The following PGAP1 variants were observed in gnomAD, a reference collection of about 807,000 sequenced individuals.
PGAP1 encodes the protein post-GPI attachment to proteins inositol deacylase 1.
In PGAP1, 76 loss-of-function variants were observed where a neutral mutation model predicts 127.0. That is an observed-to-expected ratio of 0.60 (90% confidence interval 0.50 to 0.72). The LOEUF (loss-of-function observed/expected upper bound fraction) is 0.72, where lower values mean the gene tolerates loss of function less well. PGAP1 is among the 30% of genes least tolerant of loss of function. The probability of loss-of-function intolerance (pLI) is 0.00; values close to 1 mark genes in which losing one functional copy is unlikely to be tolerated. For synonymous variants in PGAP1, 362 were observed against 366.5 expected (o/e 0.99, Z 0.14); for missense variants, 982 against 1,071.3 (o/e 0.92, Z 1.16).
intron 20 of PGAP1, 47 bp from the exon 21 acceptor site, chr2:196,848,084 G>C (rs1476040487): frequency 2.3e-6 from 3 of 1,316,478 alleles, no homozygotes; most frequent in Non-Finnish European, 3.2e-6. Flanking sequence ...AATTAAGTAT[G>C]AGATATACTA....
Position 196,874,835 on chromosome 2 carries a change from G to C in PGAP1, c.1426+911C>G, listed in dbSNP as rs1448373408. On this transcript the variant is annotated intron_variant, in intron 14 of 26. Transcript: ENST00000354764. ...CTGAGACCAGCCTGGGCAATATGGT[G>C]AATCTCTGTCTCTACAAAAAATACA... Among the ~76,000 whole-genome samples, 6 of 152,130 alleles carry C rather than the reference G, an allele frequency of 3.9e-5. 1 individual carries two copies. In the South Asian group the frequency reaches 8.3e-4, roughly 21 times the overall value.
At chr2:196,922,282 T>A (rs1222670339) in intron 1 of PGAP1, 1 of 1,178,334 alleles carries the variant, frequency 8.5e-7, no homozygotes, top group Non-Finnish European at 1.1e-6. Context: ...TGATATTACT[T>A]AATTGTAAAC....
intron 1 of PGAP1, chr2:196,922,057 G>A: frequency 2.1e-6 from 2 of 934,768 alleles, no homozygotes; most frequent in South Asian, 4.5e-5. Context: ...ATTCTATGTA[G>A]TTTATTTTAA....
rs1385705047 is a variant in PGAP1, at chr2:196,897,166, C to T, written c.892G>A (p.Ala298Thr). The change falls in exon 7 of 27, where the codon GCA becomes ACA. Residue 298 changes from alanine to threonine, a missense_variant. By Grantham distance (58) the Ala-to-Thr change is moderately conservative. Coordinates refer to ENST00000354764, the MANE Select transcript of PGAP1 (RefSeq NM_024989.4). ...CKQLQLTTVRAFFDLIDADTK... is the reference protein window; with the variant it reads ...CKQLQLTTVRTFFDLIDADTK... The stretch of plus-strand genomic sequence containing the variant: ...TCAGCATCAATAAGATCAAAGAATG[C>T]TCGAACTGTAGTCAACTGCAATTGT... The T allele has an allele frequency of 2.5e-6, 4 of 1,584,448 alleles. No individual in the cohort carries two copies. Among genetic ancestry groups the T allele is most frequent in the Non-Finnish European group, 3.4e-6 (4 of 1,163,754 alleles).
chr2:196,860,661 C>T (rs1701036622), intron 20 of PGAP1, among the ~76,000 whole-genome samples: 1 of 151,998 alleles, frequency 6.6e-6, no homozygotes, highest in Admixed American at 6.6e-5. Context: ...AATTATAAAA[C>T]ACCAATGAGA....
chr2:196,846,038 T>C, intron 22 of PGAP1, 21 bp from the exon 23 acceptor site: 1 of 1,432,062 alleles, frequency 7.0e-7, no homozygotes, highest in Non-Finnish European at 9.5e-7. Flanking sequence ...AAGAATAAAG[T>C]TTAAAATATA....
chr2:196,926,333 C>A, intron 1 of PGAP1, 137 bp downstream of exon 1: 1 of 1,316,608 alleles, frequency 7.6e-7, no homozygotes, highest in East Asian at 2.4e-5. Flanking sequence ...TCTCCCCGGG[C>A]GGAGAAAACA....
At position 196,833,843 on chromosome 2, in the gene PGAP1, A is replaced by G. The variant is rs553460359; in HGVS notation, c.*7391T>C. On this transcript the variant is annotated 3_prime_UTR_variant, in exon 27 of 27. Coordinates refer to ENST00000354764, the MANE Select transcript of PGAP1 (RefSeq NM_024989.4). ...GACCTTAATATAAATTATATCCATT[A>G]TTTTAAATAAGCACAGTAAAAATGC... is the stretch of plus-strand genomic sequence containing the variant. 2.6e-4 allele frequency: 39 copies of G among 152,192 alleles called. No individual in the cohort carries two copies. Among genetic ancestry groups the G allele is most frequent in the African/African-American group, 9.4e-4 (39 of 41,582 alleles). The allele number at this position is 152,192 out of a possible 1,614,324, so 9.4% of individuals were successfully genotyped here.
intron 12 of PGAP1, among the ~76,000 whole-genome samples, chr2:196,884,430 C>T (rs1480880295): frequency 6.6e-6 from 1 of 152,090 alleles, no homozygotes; most frequent in Non-Finnish European, 1.5e-5. Context: ...CACAAGGTCA[C>T]ATGAATGAAT....
At chr2:196,920,503 T>C (rs540820690) in intron 1 of PGAP1, among the ~76,000 whole-genome samples, 11 of 152,294 alleles carry the variant, frequency 7.2e-5, no homozygotes, top group African/African-American at 2.4e-4. Context: ...TCAATTATAC[T>C]TAGAAATGAT....
intron 4 of PGAP1, 91 bp downstream of exon 4, chr2:196,912,791 G>T: frequency 8.2e-7 from 1 of 1,225,280 alleles, no homozygotes; most frequent in Non-Finnish European, 1.1e-6. Context: ...GGATAAATCT[G>T]TAGCATACTC....
intron 10 of PGAP1, among the ~76,000 whole-genome samples, chr2:196,890,392 C>T (rs1702059619): frequency 6.6e-6 from 1 of 152,126 alleles, no homozygotes; most frequent in Non-Finnish European, 1.5e-5. Context: ...GTAAGTTACT[C>T]TACTATCTTA....
chr2:196,920,998 CT>C (rs1054778065), intron 1 of PGAP1, among the ~76,000 whole-genome samples: 1 of 151,912 alleles, frequency 6.6e-6, no homozygotes, highest in African/African-American at 2.4e-5. Context: ...TGCTCCTTTT[CT>C]TTTTTTATTT....
chr2:196,873,794 C>A, intron 14 of PGAP1, 36 bp from the exon 15 acceptor site: 2 of 1,409,948 alleles, frequency 1.4e-6, no homozygotes, highest in South Asian at 2.4e-5. Context: ...CTTAGAATAT[C>A]AAGGAAGTTT....
intron 1 of PGAP1, among the ~76,000 whole-genome samples, chr2:196,924,934 CAA>C (rs1217950253): frequency 1.3e-5 from 2 of 152,114 alleles, no homozygotes; most frequent in Non-Finnish European, 2.9e-5. Flanking sequence ...TGATTTTAAC[CAA>C]ACTCTTCAAT....
chr2:196,912,834 A>C (rs1206139441), intron 4 of PGAP1, 48 bp downstream of exon 4: 1 of 1,476,394 alleles, frequency 6.8e-7, no homozygotes, highest in Admixed American at 2.1e-5. Context: ...TGATTTATTT[A>C]ATCTTAAATA....
Position 196,890,842 on chromosome 2 carries a change from G to A in PGAP1, c.1159C>T (p.Gln387Ter). Reference sequence around the variant, plus strand: ...AATTATCTTACCAGCATAGTGCTCTGACAATAGACATGAGTGTAGATTTTT... The same window carrying A: ...AATTATCTTACCAGCATAGTGCTCTAACAATAGACATGAGTGTAGATTTTT... Reference protein sequence around the residue: ...HRKIYTHVYCQSTMLDTNSWI... With the variant: ...HRKIYTHVYC Residue 387 changes from glutamine to a stop codon, truncating the protein, a stop_gained, in exon 10 of 27, where the codon CAG (glutamine) becomes TAG (stop). Transcript: ENST00000354764. LOFTEE classifies it high-confidence loss of function. The A allele has an allele frequency of 3.9e-6, 6 of 1,535,992 alleles. No homozygotes were observed. Among genetic ancestry groups the A allele is most frequent in the Non-Finnish European group, 5.4e-6 (6 of 1,109,728 alleles).
chr2:196,859,874 C>A (rs1701005891), intron 20 of PGAP1, among the ~76,000 whole-genome samples: 1 of 151,746 alleles, frequency 6.6e-6, no homozygotes, highest in South Asian at 2.1e-4. Flanking sequence ...ACAATAAAGG[C>A]CAAATATGAC....
Position 196,920,161 on chromosome 2 carries a change from A to G in PGAP1, c.148-11T>C. On this transcript the variant is annotated splice_polypyrimidine_tract_variant and intron_variant, in intron 1 of 26. Coordinates refer to ENST00000354764, the MANE Select transcript of PGAP1 (RefSeq NM_024989.4). ...TGGAAGTTCTATTTTCTACATTTAA[A>G]AAAAAGTAGTTTCACTTTAATCAGT... 6.3e-7 allele frequency: 1 copy of G among 1,592,322 alleles called. No individual in the cohort carries two copies. Among genetic ancestry groups the G allele is most frequent in the Non-Finnish European group, 8.5e-7 (1 of 1,171,092 alleles).
Sources: gnomAD v4.1 joint callset for allele counts (sites outside exome capture counted in the v4.1 genomes callset) on GRCh38, gnomAD v4.1.1 for gene constraint, MANE v1.5 for transcripts, NCBI Gene and HGNC (gene_info 2026-07-23, HGNC 2026-07-21) for gene names.